The following ARHGAP44 variants were observed in gnomAD, a reference collection of about 807,000 sequenced individuals.
ARHGAP44 encodes rho GTPase-activating protein 44.
Under a neutral mutation model 106.8 loss-of-function variants are expected in ARHGAP44, and 43 were observed. The observed-to-expected ratio is 0.40, with a 90% confidence interval of 0.32 to 0.52. The LOEUF (loss-of-function observed/expected upper bound fraction) is 0.52, where lower values mean the gene tolerates loss of function less well. Ranked by LOEUF, ARHGAP44 falls within the 20% of genes least tolerant of loss-of-function variation. The pLI is 0.48. For synonymous variants in ARHGAP44, 439 were observed against 410.3 expected (o/e 1.07, Z -0.85); for missense variants, 866 against 1,050.5 (o/e 0.82, Z 2.43).
At chr17:12,877,377 C>A (rs569608423) in intron 1 of ARHGAP44, among the ~76,000 whole-genome samples, 2 of 152,010 alleles carry the variant, frequency 1.3e-5, no homozygotes, top group Non-Finnish European at 2.9e-5. Context: ...AGAGACCCAC[C>A]CTGGCTTAGA....
At chr17:12,962,774 G>A (rs951249377) in intron 16 of ARHGAP44, among the ~76,000 whole-genome samples, 1 of 152,108 alleles carries the variant, frequency 6.6e-6, no homozygotes, top group Non-Finnish European at 1.5e-5. Context: ...GGTCAGGCGC[G>A]GTGGCTCATG....
intron 1 of ARHGAP44, among the ~76,000 whole-genome samples, chr17:12,815,147 A>G (rs190873512): frequency 6.7e-4 from 101 of 151,730 alleles, no homozygotes; most frequent in Admixed American, 1.2e-3. Flanking sequence ...TTTTTAAAAG[A>G]TTCTTGTCCT....
At chr17:12,923,828 G>A (rs192927894) in intron 6 of ARHGAP44, among the ~76,000 whole-genome samples, 4 of 152,194 alleles carry the variant, frequency 2.6e-5, no homozygotes, top group Admixed American at 6.5e-5. Context: ...CTCTTAGCCC[G>A]TATGAGGTCT....
At position 12,939,250 on chromosome 17, in the gene ARHGAP44, T is replaced by C. The variant is rs944010060; in HGVS notation, c.583-1806T>C. 4.6e-5 allele frequency among the ~76,000 whole-genome samples: 7 copies of C among 152,106 alleles called. No homozygotes were observed. In the South Asian group the frequency reaches 6.2e-4, roughly 13 times the overall value. On this transcript the variant is annotated intron_variant, in intron 7 of 20. Coordinates refer to ENST00000379672, the MANE Select transcript of ARHGAP44 (RefSeq NM_014859.6). ...AATTTACCATCCTTGAGCCTTGATTTTTTTTTTCATCTGTTCATTCAGCAA... is the reference window on the plus strand; with the variant it reads ...AATTTACCATCCTTGAGCCTTGATTCTTTTTTTCATCTGTTCATTCAGCAA...
intron 6 of ARHGAP44, among the ~76,000 whole-genome samples, chr17:12,926,466 A>T (rs550198408): frequency 0.017 from 1,813 of 108,278 alleles, 42 homozygotes; most frequent in African/African-American, 0.057. Context: ...ATACATATAT[A>T]ATATATATAA....
chr17:12,847,819 A>G (rs938573320), intron 1 of ARHGAP44, among the ~76,000 whole-genome samples: 1 of 152,046 alleles, frequency 6.6e-6, no homozygotes, highest in African/African-American at 2.4e-5. Context: ...ACTCTTTTTA[A>G]AGGTAGAGAC....
rs776346185 is a variant in ARHGAP44, at chr17:12,849,568, C to CTTTTTTTTTT, written c.54-45355_54-45346dup. Among the ~76,000 whole-genome samples the CTTTTTTTTTT allele has an allele frequency of 1.1e-4, 8 of 69,966 alleles. 1 individual carries two copies. The highest frequency in any genetic ancestry group is 2.7e-4 in the African/African-American group (3 of 11,288). The allele number at this position is 69,966 out of a possible 152,430, so 45.9% of individuals were successfully genotyped here. A position where few individuals can be genotyped will look rare whatever the true frequency, so the allele number is the denominator to read the frequency against. On this transcript the variant is annotated intron_variant, in intron 1 of 20. Transcript: ENST00000379672. ...CTAGTCTTTCCTTCCTACTTTTGTC[C>CTTTTTTTTTT]TTTTTTTTTTTTTTTTTTTTTTTTT...
At chr17:12,816,026 C>G (rs1341331767) in intron 1 of ARHGAP44, among the ~76,000 whole-genome samples, 1 of 151,986 alleles carries the variant, frequency 6.6e-6, no homozygotes, top group Admixed American at 6.6e-5. Context: ...GAGATATGGT[C>G]TGTGAGGCAG....
rs78520568 is a variant in ARHGAP44, at chr17:12,940,827, A to G, written c.583-229A>G. ...GACTTTAACTGTGGTCCAAATGTCAAAATCTCTGGGGAAATGACTGACATA... is the reference window on the plus strand; with the variant it reads ...GACTTTAACTGTGGTCCAAATGTCAGAATCTCTGGGGAAATGACTGACATA... On this transcript the variant is annotated intron_variant, in intron 7 of 20. Coordinates refer to ENST00000379672, the MANE Select transcript of ARHGAP44 (RefSeq NM_014859.6). Among the ~76,000 whole-genome samples, 641 of 152,352 alleles carry G rather than the reference A, an allele frequency of 4.2e-3. 4 individuals are homozygous for G. Among genetic ancestry groups the G allele is most frequent in the Non-Finnish European group, 4.8e-3 (329 of 68,040 alleles).
At chr17:12,860,369 A>G (rs1349931342) in intron 1 of ARHGAP44, among the ~76,000 whole-genome samples, 3 of 152,154 alleles carry the variant, frequency 2.0e-5, no homozygotes. Context: ...AACTGTCTGG[A>G]AAGTGCAGGC....
intron 1 of ARHGAP44, among the ~76,000 whole-genome samples, chr17:12,878,964 T>G (rs2036636867): frequency 6.6e-6 from 1 of 152,234 alleles, no homozygotes; most frequent in Admixed American, 6.5e-5. Flanking sequence ...CTGCAATACT[T>G]GTATCAGTAA....
At chr17:12,903,119 A>ATAGAG (rs2037432266) in intron 3 of ARHGAP44, among the ~76,000 whole-genome samples, 1 of 81,288 alleles carries the variant, frequency 1.2e-5, no homozygotes, top group Non-Finnish European at 2.2e-5. Context: ...AGAGAGAGAG[A>ATAGAG]GAGAGAGGAG....
intron 6 of ARHGAP44, among the ~76,000 whole-genome samples, chr17:12,928,257 C>T (rs114253285): frequency 8.7e-4 from 132 of 152,310 alleles, no homozygotes; most frequent in African/African-American, 3.0e-3. Flanking sequence ...ACCAGCATGT[C>T]TTCTCACTTA....
Position 12,980,132 on chromosome 17 carries a change from G to A in ARHGAP44, c.1838G>A (p.Cys613Tyr). The change falls in exon 19 of 21, where the codon TGT (cysteine) becomes TAT (tyrosine). Residue 613 changes from cysteine (C) to tyrosine (Y), a missense_variant. Cys to Tyr is a radical substitution (Grantham distance 194). Coordinates refer to ENST00000379672, the MANE Select transcript of ARHGAP44 (RefSeq NM_014859.6). ...CCAGGCTCCAGCCAGGGCACAGCCT[G>A]TGCAGGGACTCAACCAGGGGCTCAA... ...GSPGSSQGTA[C>Y]AGTQPGAQPG... is the part of the protein sequence containing the mutation. 6.2e-7 allele frequency: 1 copy of A among 1,614,006 alleles called. No homozygotes were observed. Among genetic ancestry groups the A allele is most frequent in the South Asian group, 1.1e-5 (1 of 91,080 alleles).
In ARHGAP44 at chr17:12,897,828, C is replaced by T. The variant is rs140422060; in HGVS notation, c.198+1317C>T. ...AATGCTACCACCAGAGGCTTGAATT[C>T]GGCCTTTGGTGTTGGTAGGCGGATT... On this transcript the variant is annotated intron_variant, in intron 3 of 20. Transcript: ENST00000379672. Among the ~76,000 whole-genome samples the T allele has an allele frequency of 1.3e-3, 201 of 148,944 alleles. 1 individual carries two copies. The highest frequency in any genetic ancestry group is 1.8e-3 in the Non-Finnish European group (124 of 67,636).
rs546519976 is a variant in ARHGAP44 at position 12,815,214 on chromosome 17, A to T, written c.53+25323A>T. Reference sequence around the variant, plus strand: ...TTTTGTAGAACAAAATAGAAGAGGGAGGAGAAGCAGGGTTCCCCTAAAGGT... The same window carrying T: ...TTTTGTAGAACAAAATAGAAGAGGGTGGAGAAGCAGGGTTCCCCTAAAGGT... On this transcript the variant is annotated intron_variant, in intron 1 of 20. Coordinates refer to ENST00000379672, the MANE Select transcript of ARHGAP44 (RefSeq NM_014859.6). Among the ~76,000 whole-genome samples, 7 of 152,102 alleles carry T rather than the reference A, an allele frequency of 4.6e-5. No individual in the cohort carries two copies. The East Asian group carries it at 9.7e-4, about 21-fold the overall frequency.
At chr17:12,968,165 C>T (rs1362590988) in intron 16 of ARHGAP44, among the ~76,000 whole-genome samples, 3 of 152,142 alleles carry the variant, frequency 2.0e-5, no homozygotes, top group Non-Finnish European at 2.9e-5. Flanking sequence ...CGTGGCGGGG[C>T]CCACTTTCCC....
At chr17:12,966,894 G>A (rs2039404012) in intron 16 of ARHGAP44, among the ~76,000 whole-genome samples, 1 of 152,154 alleles carries the variant, frequency 6.6e-6, no homozygotes. Flanking sequence ...TCAGAGGTCC[G>A]TTCTGCTAAC....
rs796593109 is a variant in ARHGAP44 at position 12,857,765 on chromosome 17, G to GT, written c.54-37173dup. On this transcript the variant is annotated intron_variant, in intron 1 of 20. Coordinates refer to ENST00000379672, the MANE Select transcript of ARHGAP44 (RefSeq NM_014859.6). ...AAACTTTATTGCTTCGGTTGCCCAT[G>GT]TTATTTATTTATTTATTTATTTATT... 4.7e-3 allele frequency among the ~76,000 whole-genome samples: 679 copies of GT among 145,624 alleles called. 7 individuals carry two copies. Among genetic ancestry groups the GT allele is most frequent in the African/African-American group, 0.016 (657 of 39,940 alleles).
Sources: allele counts gnomAD v4.1 joint callset (sites outside exome capture counted in the v4.1 genomes callset), GRCh38; gene constraint gnomAD v4.1.1; transcripts MANE v1.5; gene names NCBI Gene and HGNC (gene_info 2026-07-23, HGNC 2026-07-21).